Variants in SMAD6 observed in about 807,000 individuals in gnomAD.
SMAD6 encodes SMAD family member 6, also known as MAD homolog 6.
In SMAD6, 103 loss-of-function variants were observed where a neutral mutation model predicts 39.4. That is an observed-to-expected ratio of 2.62 (90% CI 2.23 to 3.08). The LOEUF (loss-of-function observed/expected upper bound fraction) is 3.08, where lower values mean the gene tolerates loss of function less well. Ranked by LOEUF, SMAD6 falls within the 30% of genes most tolerant of loss-of-function variation. The pLI is 0.00. For synonymous variants in SMAD6, 445 were observed against 353.3 expected, an observed-to-expected ratio of 1.26 and a Z score of -2.91; for missense variants, 1,104 against 742.9, an observed-to-expected ratio of 1.49 and a Z score of -5.65.
At chr15:66,768,026 G>A (rs1202286831) in intron 3 of SMAD6, among the ~76,000 whole-genome samples, 3 of 131,818 alleles carry the variant, frequency 2.3e-5, no homozygotes, top group African/African-American at 8.5e-5. Context: ...CTGGAGTGCA[G>A]TGGTGCCACC....
At chr15:66,771,686 G>T (rs892715761) in intron 3 of SMAD6, among the ~76,000 whole-genome samples, 14 of 152,118 alleles carry the variant, frequency 9.2e-5, no homozygotes, top group Admixed American at 3.3e-4. Flanking sequence ...TCTGACTTTG[G>T]GTCTGTCCTG....
intron 3 of SMAD6, among the ~76,000 whole-genome samples, chr15:66,761,265 A>G (rs1894193764): frequency 6.6e-6 from 1 of 152,114 alleles, no homozygotes; most frequent in African/African-American, 2.4e-5. Context: ...GCAGCCCCGT[A>G]CAATGGAAGG....
chr15:66,761,078 T>G (rs1459949845), intron 3 of SMAD6, among the ~76,000 whole-genome samples: 5 of 152,184 alleles, frequency 3.3e-5, no homozygotes, highest in African/African-American at 1.2e-4. Context: ...TCTTTAACCC[T>G]TTTATTTTTC....
chr15:66,757,871 C>T (rs1156752125), intron 3 of SMAD6, among the ~76,000 whole-genome samples: 7 of 152,136 alleles, frequency 4.6e-5, no homozygotes, highest in Non-Finnish European at 8.8e-5. Flanking sequence ...GCTCTGCAGA[C>T]GTGGTGGTGG....
At chr15:66,735,639 G>A (rs912508293) in intron 3 of SMAD6, among the ~76,000 whole-genome samples, 1 of 152,208 alleles carries the variant, frequency 6.6e-6, no homozygotes, top group Non-Finnish European at 1.5e-5. Context: ...GGGGCAGCAA[G>A]AATGTGGTCT....
chr15:66,745,928 C>T (rs1893899995), intron 3 of SMAD6, among the ~76,000 whole-genome samples: 1 of 152,238 alleles, frequency 6.6e-6, no homozygotes, highest in South Asian at 2.1e-4. Context: ...TACCCCCTCC[C>T]TCCCTTGTCC....
intron 3 of SMAD6, among the ~76,000 whole-genome samples, chr15:66,721,455 C>T (rs78421939): frequency 1.1e-3 from 169 of 152,280 alleles, no homozygotes; most frequent in Non-Finnish European, 1.9e-3. Context: ...GTGTGTGGTT[C>T]AGTCCATTCA....
chr15:66,721,343 G>A (rs2439399), intron 3 of SMAD6, among the ~76,000 whole-genome samples: 22,925 of 152,100 alleles, frequency 0.15, 1,790 homozygotes, highest in South Asian at 0.19. Context: ...GAGTGTGTGT[G>A]TGTGGTGTCA....
chr15:66,703,131 C>G lies in SMAD6; in HGVS notation c.-128C>G. ...CCTTCGACGACAGGCTGTGCGCGGT[C>G]TGCACGGCGCTCCGCGGCGGAGCTT... On this transcript the variant is annotated 5_prime_UTR_variant, in exon 1 of 4. Transcript: ENST00000288840. The G allele has an allele frequency of 4.7e-6, 3 of 633,904 alleles. No individual in the cohort carries two copies. Among genetic ancestry groups the G allele is most frequent in the Non-Finnish European group, 7.2e-6 (3 of 416,852 alleles). The allele number at this position is 633,904 out of a possible 1,614,324, so 39.3% of individuals were successfully genotyped here.
At chr15:66,728,353 A>T (rs184643738) in intron 3 of SMAD6, among the ~76,000 whole-genome samples, 1 of 152,102 alleles carries the variant, frequency 6.6e-6, no homozygotes, top group Non-Finnish European at 1.5e-5. Flanking sequence ...GCTTTTTGGA[A>T]TATAGCTTCT....
In SMAD6 at chr15:66,703,472, G is replaced by A; in HGVS notation, c.214G>A (p.Val72Met). The A allele has an allele frequency of 8.0e-7, 1 of 1,245,870 alleles. No homozygotes were observed. Among genetic ancestry groups the A allele is most frequent in the Non-Finnish European group, 1.0e-6 (1 of 991,278 alleles). The allele number at this position is 1,245,870 out of a possible 1,614,324, so 77.2% of individuals were successfully genotyped here. A position where few individuals can be genotyped will look rare whatever the true frequency, so the allele number is the denominator to read the frequency against. Residue 72 changes from valine (V) to methionine (M), a missense_variant, in exon 1 of 4, where the codon GTG becomes ATG. Coordinates refer to ENST00000288840, the MANE Select transcript of SMAD6 (RefSeq NM_005585.5). ...AGCCCCGCGGCGGCCCCGGGACGCA[G>A]TGGGACAGCGAGGCGCCCAGGGCGC... ...PVAPRRPRDA[V>M]GQRGAQGAGR...
In SMAD6 at chr15:66,703,228, C is replaced by T. The variant is rs891812745; in HGVS notation, c.-31C>T. 8.9e-6 allele frequency: 12 copies of T among 1,341,550 alleles called. No homozygotes were observed. The highest frequency in any genetic ancestry group is 1.5e-5 in the African/African-American group (1 of 64,826). 83.1% of individuals were successfully genotyped at this position (1,341,550 alleles called of 1,614,324 possible). The stretch of plus-strand genomic sequence containing the variant: ...GACCCCCGGTAACCGGAGACCGCCT[C>T]CCCCCCACCCCTGGCGCCAAAGGAT... On this transcript the variant is annotated 5_prime_UTR_variant, in exon 1 of 4. Transcript: ENST00000288840.
At chr15:66,749,805 C>A (rs548597138) in intron 3 of SMAD6, among the ~76,000 whole-genome samples, 1 of 152,262 alleles carries the variant, frequency 6.6e-6, no homozygotes, top group East Asian at 1.9e-4. Context: ...GATACCTACC[C>A]AAGGAGGACT....
At chr15:66,775,973 C>T (rs1000172185) in intron 3 of SMAD6, among the ~76,000 whole-genome samples, 1 of 152,202 alleles carries the variant, frequency 6.6e-6, no homozygotes. Context: ...GGGTGCCCAC[C>T]TTCTCACTCA....
chr15:66,756,989 G>A (rs1894111866), intron 3 of SMAD6, among the ~76,000 whole-genome samples: 1 of 152,190 alleles, frequency 6.6e-6, no homozygotes, highest in Non-Finnish European at 1.5e-5. Context: ...GTGGTGTAGT[G>A]GAAAAAACCC....
chr15:66,756,577 G>A (rs1442008102), intron 3 of SMAD6, among the ~76,000 whole-genome samples: 1 of 152,188 alleles, frequency 6.6e-6, no homozygotes, highest in East Asian at 1.9e-4. Context: ...CCCATCCCTT[G>A]AAAATATTTG....
chr15:66,705,436 A>G (rs1893090527), intron 1 of SMAD6: 1 of 152,170 alleles, frequency 6.6e-6, no homozygotes, highest in African/African-American at 2.4e-5. Context: ...GGCTCATGCC[A>G]GGCTTTCTAT....
intron 1 of SMAD6, chr15:66,704,619 G>T (rs1422056118): frequency 6.6e-6 from 1 of 152,274 alleles, no homozygotes; most frequent in East Asian, 1.9e-4. Context: ...ACAAAGCTTT[G>T]CAGGGTAACC....
In SMAD6 at chr15:66,781,315, C is replaced by T. The variant is rs371348775; in HGVS notation, c.1271C>T (p.Ala424Val). The T allele has an allele frequency of 2.9e-5, 46 of 1,600,430 alleles. No individual in the cohort carries two copies. In the Middle Eastern group the frequency reaches 9.9e-4, roughly 34 times the overall value. ...SPTLDAPGGR[A>V]LVVRKVPPGY... ...ACGCTGGACGCGCCCGGCGGCCGCGCCCTGGTCGTGCGCAAGGTGCCCCCC... is the reference window on the plus strand; with the variant it reads ...ACGCTGGACGCGCCCGGCGGCCGCGTCCTGGTCGTGCGCAAGGTGCCCCCC... The change falls in exon 4 of 4, where the codon GCC (alanine) becomes GTC (valine). Residue 424 changes from alanine to valine, a missense_variant. Ala to Val is a moderately conservative substitution (Grantham distance 64). Transcript: ENST00000288840.
Sources: allele counts gnomAD v4.1 joint callset (sites outside exome capture counted in the v4.1 genomes callset), GRCh38; gene constraint gnomAD v4.1.1; transcripts MANE v1.5; gene names NCBI Gene and HGNC (gene_info 2026-07-23, HGNC 2026-07-21).